Variants in CNGA1 observed in about 807,000 individuals in gnomAD.
CNGA1 encodes the protein cyclic nucleotide gated channel subunit alpha 1, also known as cyclic nucleotide-gated channel alpha-1.
Under a neutral mutation model 69.7 loss-of-function variants are expected in CNGA1, and 53 were observed. That is an observed-to-expected ratio of 0.76 (90% CI 0.61 to 0.96). CNGA1 has a LOEUF of 0.96. Ranked by LOEUF, CNGA1 falls within the 40% of genes least tolerant of loss-of-function variation. CNGA1 has a pLI of 0.00. For synonymous variants in CNGA1, 249 were observed against 283.5 expected, an observed-to-expected ratio of 0.88 and a Z score of 1.22; for missense variants, 739 against 811.2, an observed-to-expected ratio of 0.91 and a Z score of 1.08.
intron 2 of CNGA1, among the ~76,000 whole-genome samples, chr4:48,004,680 A>T (rs1232363765): frequency 2.0e-5 from 3 of 152,202 alleles, no homozygotes; most frequent in African/African-American, 7.2e-5. Context: ...CAAACAAAGG[A>T]ACAATCCTGG....
chr4:47,965,783 G>T (rs888587151), intron 3 of CNGA1, among the ~76,000 whole-genome samples: 13 of 151,654 alleles, frequency 8.6e-5, no homozygotes, highest in African/African-American at 3.2e-4. Context: ...ATTTTATTTT[G>T]AATTTTTCCA....
At chr4:47,953,995 G>A (rs1208726230) in intron 3 of CNGA1, among the ~76,000 whole-genome samples, 2 of 151,982 alleles carry the variant, frequency 1.3e-5, no homozygotes, top group Non-Finnish European at 2.9e-5. Flanking sequence ...TAGCTGTCAC[G>A]TCCCCCCCAT....
chr4:47,967,453 A>G (rs909058652), intron 3 of CNGA1, among the ~76,000 whole-genome samples: 4 of 152,244 alleles, frequency 2.6e-5, no homozygotes, highest in African/African-American at 9.6e-5. Context: ...AGCGCTTGCA[A>G]TAAGGCAGGA....
At chr4:47,990,696 T>C (rs2661545) in intron 2 of CNGA1, among the ~76,000 whole-genome samples, 146,793 of 152,028 alleles carry the variant, frequency 0.97, 71,094 homozygotes, top group Middle Eastern at 1. Flanking sequence ...ATGGTCCTAC[T>C]AATATGTGAT....
At chr4:47,961,332 C>G (rs1435354048) in intron 3 of CNGA1, among the ~76,000 whole-genome samples, 1 of 152,192 alleles carries the variant, frequency 6.6e-6, no homozygotes, top group African/African-American at 2.4e-5. Flanking sequence ...TCCCTTCCAG[C>G]CTCCCATTGA....
At chr4:47,963,332 A>G (rs1040162424) in intron 3 of CNGA1, among the ~76,000 whole-genome samples, 1 of 152,242 alleles carries the variant, frequency 6.6e-6, no homozygotes, top group African/African-American at 2.4e-5. Flanking sequence ...GCAAAGCAGA[A>G]TCATAGAAAC....
chr4:47,951,190 T>C (rs953030973), intron 5 of CNGA1, among the ~76,000 whole-genome samples, 163 bp downstream of exon 5: 3 of 152,218 alleles, frequency 2.0e-5, no homozygotes, highest in African/African-American at 7.2e-5. Context: ...TACAAACCCA[T>C]TTATGCCTAG....
chr4:47,949,681 C>G, intron 6 of CNGA1, 152 bp downstream of exon 6: 1 of 636,828 alleles, frequency 1.6e-6, no homozygotes. Context: ...ATGAACACTA[C>G]TTTTCAACAA....
intron 2 of CNGA1, among the ~76,000 whole-genome samples, chr4:48,005,150 C>T (rs1714864049): frequency 6.7e-6 from 1 of 148,756 alleles, no homozygotes; most frequent in South Asian, 2.1e-4. Context: ...TGGAGTCTTG[C>T]TCTTGTTGCC....
chr4:47,946,782 C>A (rs1233489428), intron 6 of CNGA1, among the ~76,000 whole-genome samples: 2 of 151,498 alleles, frequency 1.3e-5, no homozygotes, highest in Non-Finnish European at 2.9e-5. Context: ...TTCTTTCTTT[C>A]TTTCTTTCTT....
At chr4:47,944,876 T>A (rs151002941) in intron 6 of CNGA1, among the ~76,000 whole-genome samples, 10 of 152,278 alleles carry the variant, frequency 6.6e-5, no homozygotes, top group South Asian at 4.1e-4. Context: ...CCAGTAATTA[T>A]AATGAGCATT....
chr4:47,997,254 T>C (rs556081105), intron 2 of CNGA1, among the ~76,000 whole-genome samples: 376 of 152,278 alleles, frequency 2.5e-3, no homozygotes, highest in Non-Finnish European at 4.2e-3. Flanking sequence ...CTAACTTTTG[T>C]TGCTGCTGCC....
At chr4:47,943,061 A>C (rs755095196) in intron 8 of CNGA1, 120 bp downstream of exon 8, 7 of 703,414 alleles carry the variant, frequency 1.0e-5, no homozygotes, top group African/African-American at 1.8e-5. Context: ...AAAGACATTT[A>C]GTCTTTACAC....
intron 3 of CNGA1, among the ~76,000 whole-genome samples, chr4:47,979,967 CTT>C (rs1395101931): frequency 6.6e-6 from 1 of 152,146 alleles, no homozygotes; most frequent in African/African-American, 2.4e-5. Context: ...TAATTTCTAA[CTT>C]TGACTGTGGC....
chr4:48,008,207 T>C (rs1285094055), intron 2 of CNGA1, among the ~76,000 whole-genome samples: 1 of 152,164 alleles, frequency 6.6e-6, no homozygotes, highest in Non-Finnish European at 1.5e-5. Flanking sequence ...AATTCTTTCA[T>C]TGTGACTTAC....
At chr4:47,979,320 CA>C (rs10572642) in intron 3 of CNGA1, among the ~76,000 whole-genome samples, 19,954 of 116,990 alleles carry the variant, frequency 0.17, 1,361 homozygotes, top group East Asian at 0.25. Context: ...CACTCCATCT[CA>C]AAAAAAAAAA....
At position 47,984,534 on chromosome 4, in the gene CNGA1, C is replaced by T. The variant is rs529419397; in HGVS notation, c.-122-3034G>A. Among the ~76,000 whole-genome samples the T allele has an allele frequency of 1.5e-3, 224 of 151,886 alleles. 1 individual carries two copies. The highest frequency in any genetic ancestry group is 5.3e-3 in the African/African-American group (218 of 41,402). The stretch of plus-strand genomic sequence containing the variant: ...TCAGGAGGCTGAGGCAGGAGAATTG[C>T]TTGAACCCAGGAGGCAGAGGTTGCA... On this transcript the variant is annotated intron_variant, in intron 2 of 10. Transcript: ENST00000514170.
intron 3 of CNGA1, among the ~76,000 whole-genome samples, chr4:47,953,774 G>C (rs1739886865): frequency 1.3e-5 from 2 of 152,112 alleles, no homozygotes; most frequent in African/African-American, 4.8e-5. Flanking sequence ...TCCTCAGGAA[G>C]GATCCTCTCT....
At chr4:47,985,765 C>A (rs79564716) in intron 2 of CNGA1, among the ~76,000 whole-genome samples, 1 of 151,646 alleles carries the variant, frequency 6.6e-6, no homozygotes, top group Non-Finnish European at 1.5e-5. Context: ...CCCCCACCCC[C>A]CCAAAAAAAA....
Sources: gnomAD v4.1 joint callset for allele counts (sites outside exome capture counted in the v4.1 genomes callset) on GRCh38, gnomAD v4.1.1 for gene constraint, MANE v1.5 for transcripts, NCBI Gene and HGNC (gene_info 2026-07-23, HGNC 2026-07-21) for gene names.